SCARA5: variants seen among roughly 807,000 people sequenced by gnomAD.
The protein encoded by SCARA5 is scavenger receptor class A member 5.
Under a neutral mutation model 46.3 loss-of-function variants are expected in SCARA5, and 45 were observed. The observed-to-expected ratio is 0.97, with a 90% CI of 0.76 to 1.24. The LOEUF (loss-of-function observed/expected upper bound fraction) is 1.24, where lower values mean the gene tolerates loss of function less well. Ranked by LOEUF, SCARA5 falls within the 50% of genes most tolerant of loss-of-function variation. The probability of loss-of-function intolerance (pLI) is 0.00; values close to 1 mark genes in which losing one functional copy is unlikely to be tolerated. For missense variants in SCARA5, 680 were observed against 689.0 expected (o/e 0.99, Z 0.15); for synonymous variants, 333 against 306.5 (o/e 1.09, Z -0.90).
At chr8:27,885,957 C>T (rs1057321105) in intron 7 of SCARA5, 2 of 154,592 alleles carry the variant, frequency 1.3e-5, no homozygotes, top group Admixed American at 6.5e-5. Context: ...ACCATAATCA[C>T]GGGATGCAAA....
intron 7 of SCARA5, among the ~76,000 whole-genome samples, chr8:27,884,424 G>A (rs74713884): frequency 6.6e-6 from 1 of 152,218 alleles, no homozygotes; most frequent in African/African-American, 2.4e-5. Context: ...GCGGGGCCTT[G>A]GCCCTGGGTT....
intron 3 of SCARA5, among the ~76,000 whole-genome samples, chr8:27,955,730 T>A (rs1808197593): frequency 6.6e-6 from 1 of 152,222 alleles, no homozygotes; most frequent in Non-Finnish European, 1.5e-5. Context: ...ACCAAGTATT[T>A]GGTACCTACT....
chr8:27,961,996 A>G (rs892322692), intron 3 of SCARA5, among the ~76,000 whole-genome samples: 1 of 152,242 alleles, frequency 6.6e-6, no homozygotes, highest in Non-Finnish European at 1.5e-5. Context: ...ATAAAACTGT[A>G]CATAATACCC....
At chr8:27,974,845 C>G (rs1470783203) in intron 2 of SCARA5, among the ~76,000 whole-genome samples, 1 of 151,760 alleles carries the variant, frequency 6.6e-6, no homozygotes, top group East Asian at 1.9e-4. Context: ...AAACAAGTCT[C>G]CCTGGAGCCT....
rs546299882 is a variant in SCARA5 at position 27,913,190 on chromosome 8, TGTGGTTATGAAG to T, written c.917-3459_917-3448del. On this transcript the variant is annotated intron_variant, in intron 4 of 8. Coordinates refer to ENST00000354914, the MANE Select transcript of SCARA5 (RefSeq NM_173833.6). Reference sequence around the variant, plus strand: ...ATGGATTTTGTTTTAAACATAACTATGTGGTTATGAAGGTCTTTACTGGAGATTAACTGGGAA... The same window carrying T: ...ATGGATTTTGTTTTAAACATAACTATGTCTTTACTGGAGATTAACTGGGAA... Among the ~76,000 whole-genome samples the T allele has an allele frequency of 7.9e-5, 12 of 152,244 alleles. No homozygotes were observed. The East Asian group carries it at 2.1e-3, about 27-fold the overall frequency.
At chr8:27,974,059 C>G (rs1427528168) in intron 2 of SCARA5, among the ~76,000 whole-genome samples, 1 of 152,086 alleles carries the variant, frequency 6.6e-6, no homozygotes, top group Non-Finnish European at 1.5e-5. Context: ...ACCCTGGCAC[C>G]CTGAGCTGAG....
At chr8:27,929,693 G>A (rs1212880234) in intron 3 of SCARA5, among the ~76,000 whole-genome samples, 1 of 152,188 alleles carries the variant, frequency 6.6e-6, no homozygotes, top group African/African-American at 2.4e-5. Flanking sequence ...CTACTGCTGG[G>A]ATGGTCAGTC....
intron 3 of SCARA5, among the ~76,000 whole-genome samples, chr8:27,940,316 T>C (rs1272999777): frequency 6.6e-6 from 1 of 152,180 alleles, no homozygotes; most frequent in Non-Finnish European, 1.5e-5. Context: ...TCTCAGAACA[T>C]AAGGTTTGGA....
intron 2 of SCARA5, among the ~76,000 whole-genome samples, chr8:27,970,098 C>G (rs564676594): frequency 1.6e-4 from 24 of 152,204 alleles, no homozygotes; most frequent in East Asian, 7.7e-4. Context: ...TCTGGCTCAC[C>G]CTTTCTCTCT....
intron 7 of SCARA5, among the ~76,000 whole-genome samples, chr8:27,881,470 A>G (rs1367289888): frequency 8.3e-6 from 1 of 120,916 alleles, no homozygotes; most frequent in African/African-American, 3.2e-5. Flanking sequence ...AATACCTCAT[A>G]TTCTCACTTT....
In SCARA5 at chr8:27,966,532, G is replaced by A; in HGVS notation, c.123C>T (p.His41=). The A allele has an allele frequency of 6.2e-7, 1 of 1,612,762 alleles. No homozygotes were observed. Among genetic ancestry groups the A allele is most frequent in the African/African-American group, 1.3e-5 (1 of 74,914 alleles). ...KLNLCEDGPC[H]KRRASICCTQ... Reference sequence around the variant, plus strand: ...TACAGCAGATGCTTGCCCGCCGTTTGTGACATGGACCTGGACAATAAGGGT... The same window carrying A: ...TACAGCAGATGCTTGCCCGCCGTTTATGACATGGACCTGGACAATAAGGGT... The change falls in exon 3 of 9, where the codon CAC becomes CAT. Residue 41 remains histidine (H), a synonymous_variant. Transcript: ENST00000354914.
At chr8:27,950,458 T>C (rs758619965) in intron 3 of SCARA5, among the ~76,000 whole-genome samples, 3 of 152,058 alleles carry the variant, frequency 2.0e-5, no homozygotes, top group Admixed American at 6.5e-5. Context: ...CCCCACCTAA[T>C]GCCGGCAAGC....
chr8:27,931,874 G>T (rs1807779172), intron 3 of SCARA5, among the ~76,000 whole-genome samples: 1 of 152,084 alleles, frequency 6.6e-6, no homozygotes, highest in Non-Finnish European at 1.5e-5. Context: ...GGCTGGTCTT[G>T]AACTTCTAAC....
rs1242426013 is a variant in SCARA5, at chr8:27,935,472, A to C, written c.242-13227T>G. Among the ~76,000 whole-genome samples, 5 of 152,194 alleles carry C rather than the reference A, an allele frequency of 3.3e-5. No homozygotes were observed. The East Asian group carries it at 9.6e-4, about 29-fold the overall frequency. On this transcript the variant is annotated intron_variant, in intron 3 of 8. Transcript: ENST00000354914. Reference sequence around the variant, plus strand: ...ACCCATAAAGACCATCTGTGGAGTGAGAACATCCAGCCTCTAGTCTGGAGT... The same window carrying C: ...ACCCATAAAGACCATCTGTGGAGTGCGAACATCCAGCCTCTAGTCTGGAGT...
chr8:27,982,468 G>A (rs1808637992), intron 2 of SCARA5, among the ~76,000 whole-genome samples: 1 of 152,188 alleles, frequency 6.6e-6, no homozygotes. Flanking sequence ...ATCCATCAGA[G>A]GCCGCTAGAG....
At chr8:27,941,384 T>G (rs1807942432) in intron 3 of SCARA5, among the ~76,000 whole-genome samples, 2 of 152,244 alleles carry the variant, frequency 1.3e-5, no homozygotes, top group South Asian at 4.1e-4. Flanking sequence ...CATGGGAATT[T>G]GTCTTTCTGA....
intron 2 of SCARA5, among the ~76,000 whole-genome samples, chr8:27,982,419 G>T (rs1029445360): frequency 6.6e-6 from 1 of 152,120 alleles, no homozygotes; most frequent in Non-Finnish European, 1.5e-5. Context: ...CCAGATCACC[G>T]GTGCCTGGGG....
At chr8:27,895,792 G>A (rs1260245854) in intron 7 of SCARA5, among the ~76,000 whole-genome samples, 2 of 152,264 alleles carry the variant, frequency 1.3e-5, no homozygotes, top group African/African-American at 2.4e-5. Context: ...CCTGAGGATC[G>A]TACTGGACTT....
chr8:27,898,902 A>T (rs1563516745), intron 7 of SCARA5, among the ~76,000 whole-genome samples: 1 of 1,504 alleles, frequency 6.6e-4, no homozygotes, highest in Non-Finnish European at 6.7e-3. Context: ...TGCTGAACAC[A>T]GAACACATCG....
Sources: allele counts gnomAD v4.1 joint callset (sites outside exome capture counted in the v4.1 genomes callset), GRCh38; gene constraint gnomAD v4.1.1; transcripts MANE v1.5; gene names NCBI Gene and HGNC (gene_info 2026-07-23, HGNC 2026-07-21).